Variants in NLRC5 observed in about 807,000 individuals in gnomAD.
The protein encoded by NLRC5 is protein NLRC5.
NLRC5 carries 114 observed loss-of-function variants against 206.9 expected under a neutral mutation model. The ratio of observed to expected loss-of-function variants is 0.55; its 90% CI spans 0.47 to 0.64. The LOEUF is 0.64. NLRC5 is among the 30% of genes least tolerant of loss of function. The pLI is 0.00. For missense variants in NLRC5, 2,008 were observed against 2,305.5 expected (o/e 0.87, Z 2.64); for synonymous variants, 952 against 962.8 (o/e 0.99, Z 0.21).
rs1194328601 is a variant in NLRC5, at chr16:57,081,117, G to A, written c.5341G>A (p.Gly1781Arg). The A allele has an allele frequency of 1.2e-5, 18 of 1,548,238 alleles. No individual in the cohort carries two copies. The highest frequency in any genetic ancestry group is 1.7e-4 in the Middle Eastern group (1 of 5,846). Residue 1781 changes from glycine (G) to arginine (R), a missense_variant, in exon 47 of 49, where the codon GGG becomes AGG. By Grantham distance (125) the Gly-to-Arg change is moderately radical. Transcript: ENST00000688547. ...CTGCAGGCTGTCCTGGAATCTCCTCGGGGATGAGGCAGCTGCCGAGCTGGC... is the reference window on the plus strand; with the variant it reads ...CTGCAGGCTGTCCTGGAATCTCCTCAGGGATGAGGCAGCTGCCGAGCTGGC... ...EVILLSWNLL[G>R]DEAAAELAQV...
In NLRC5 at chr16:57,046,541, C is replaced by A; in HGVS notation, c.3249-11C>A. 6.2e-7 allele frequency: 1 copy of A among 1,610,896 alleles called. No homozygotes were observed. The highest frequency in any genetic ancestry group is 8.5e-7 in the Non-Finnish European group (1 of 1,177,298). ...ATCTGAACTTTCCTTTCTAAATGAT[C>A]CCCCTCCTAGGGATATGTGGGCCAC... On this transcript the variant is annotated splice_polypyrimidine_tract_variant and intron_variant, in intron 21 of 48. Transcript: ENST00000688547.
At chr16:57,009,532 G>A (rs2059278788) in intron 1 of NLRC5, among the ~76,000 whole-genome samples, 1 of 151,984 alleles carries the variant, frequency 6.6e-6, no homozygotes, top group Admixed American at 6.6e-5. Context: ...GGTGGAGGTT[G>A]CAGTGAGCTG....
intron 3 of NLRC5, 126 bp from the exon 4 acceptor site, chr16:57,022,130 C>G (rs1271276468): frequency 3.1e-6 from 2 of 651,734 alleles, no homozygotes; most frequent in Non-Finnish European, 5.2e-6. Flanking sequence ...ACTGAGTGTT[C>G]CATTTAGTTC....
chr16:57,031,435 C>T lies in NLRC5; in HGVS notation c.2449C>T (p.Pro817Ser), dbSNP rs776677733. 1.2e-6 allele frequency: 2 copies of T among 1,613,654 alleles called. No homozygotes were observed. The highest frequency in any genetic ancestry group is 1.7e-6 in the Non-Finnish European group (2 of 1,179,904). ...EADLIFLLSP[P>S]TETTAELQRA... ...GGACCTCATCTTCCTTCTTTCCCCGCCCACAGAGACAACTGCAGAGCTACA... is the reference window on the plus strand; with the variant it reads ...GGACCTCATCTTCCTTCTTTCCCCGTCCACAGAGACAACTGCAGAGCTACA... Residue 817 changes from proline (P) to serine (S), a missense_variant, in exon 11 of 49, where the codon CCC becomes TCC. By Grantham distance (74) the Pro-to-Ser change is moderately conservative. Coordinates refer to ENST00000688547, the MANE Select transcript of NLRC5 (RefSeq NM_001384950.1).
chr16:57,053,317 T>C (rs902206273), intron 24 of NLRC5, among the ~76,000 whole-genome samples: 3 of 152,064 alleles, frequency 2.0e-5, no homozygotes, highest in Non-Finnish European at 4.4e-5. Context: ...GGGAACGGCA[T>C]GTGTGAGGCC....
chr16:57,065,829 T>C (rs1049166279), intron 33 of NLRC5, among the ~76,000 whole-genome samples: 2 of 152,222 alleles, frequency 1.3e-5, no homozygotes, highest in East Asian at 3.8e-4. Context: ...TGTAAAGATG[T>C]CTGCTGTACT....
chr16:57,069,204 G>T (rs941344935), intron 36 of NLRC5, among the ~76,000 whole-genome samples: 5 of 152,216 alleles, frequency 3.3e-5, no homozygotes. Flanking sequence ...TTTAGCAGCC[G>T]TTAATAAATC....
chr16:57,060,944 G>A (rs1052506079), intron 30 of NLRC5, among the ~76,000 whole-genome samples: 5 of 152,234 alleles, frequency 3.3e-5, no homozygotes, highest in Admixed American at 6.5e-5. Context: ...AGAGCCCCAC[G>A]GAGAATCCCA....
At chr16:56,998,029 G>T (rs1423868435) in intron 1 of NLRC5, among the ~76,000 whole-genome samples, 1 of 152,024 alleles carries the variant, frequency 6.6e-6, no homozygotes, top group Non-Finnish European at 1.5e-5. Flanking sequence ...GGGTCAGTGA[G>T]ACCCAAAACC....
intron 18 of NLRC5, 80 bp downstream of exon 18, chr16:57,041,654 A>G: frequency 8.6e-7 from 1 of 1,167,414 alleles, no homozygotes; most frequent in Non-Finnish European, 1.3e-6. Flanking sequence ...TTTGGTTTTT[A>G]AGATTTAGAT....
intron 34 of NLRC5, 69 bp downstream of exon 34, chr16:57,066,683 C>A: frequency 7.5e-7 from 1 of 1,326,602 alleles, no homozygotes; most frequent in Non-Finnish European, 1.1e-6. Flanking sequence ...TGCTTCTGAC[C>A]AATATTCACC....
intron 33 of NLRC5, 52 bp from the exon 34 acceptor site, chr16:57,066,482 G>A (rs2144794801): frequency 6.5e-7 from 1 of 1,541,680 alleles, no homozygotes; most frequent in Middle Eastern, 1.7e-4. Context: ...TGCCAGCTAG[G>A]CCCTCCGGGG....
chr16:56,995,380 G>T (rs1477965853), intron 1 of NLRC5, among the ~76,000 whole-genome samples: 2 of 152,204 alleles, frequency 1.3e-5, no homozygotes, highest in African/African-American at 4.8e-5. Flanking sequence ...CGTAAGCAAC[G>T]CCCTGGTGAA....
intron 10 of NLRC5, among the ~76,000 whole-genome samples, chr16:57,030,873 C>T (rs1225376777): frequency 6.6e-6 from 1 of 152,136 alleles, no homozygotes; most frequent in African/African-American, 2.4e-5. Flanking sequence ...CTTTGGAAGG[C>T]CAAGGCAAGA....
At chr16:57,079,317 A>G (rs42221) in intron 45 of NLRC5, 25 bp downstream of exon 45, 1,261,027 of 1,612,048 alleles carry the variant, frequency 0.78, 494,267 homozygotes, top group East Asian at 0.85. Context: ...CTGCCTGCCT[A>G]GGGGACCAGT....
At chr16:57,053,376 G>A (rs1235189952) in intron 24 of NLRC5, among the ~76,000 whole-genome samples, 2 of 152,176 alleles carry the variant, frequency 1.3e-5, no homozygotes, top group African/African-American at 4.8e-5. Context: ...GCGGAACCGA[G>A]ACAGCCAGAG....
chr16:57,035,520 A>C lies in NLRC5; in HGVS notation c.2628-580A>C, dbSNP rs73546830. ...CACACTGGCTCTCTTTCAGGTCCTC[A>C]TATGTGTTATGCCACAGGGCCTTTG... On this transcript the variant is annotated intron_variant, in intron 13 of 48. Transcript: ENST00000688547. 9.9e-5 allele frequency among the ~76,000 whole-genome samples: 15 copies of C among 152,090 alleles called. No individual in the cohort carries two copies. The South Asian group carries it at 2.7e-3, about 27-fold the overall frequency.
At chr16:57,001,206 C>G (rs1260421477) in intron 1 of NLRC5, among the ~76,000 whole-genome samples, 1 of 152,332 alleles carries the variant, frequency 6.6e-6, no homozygotes, top group Middle Eastern at 3.4e-3. Flanking sequence ...CAGGCCCTGA[C>G]CTGTCCACCT....
chr16:57,015,291 A>C lies in NLRC5; in HGVS notation c.-127-1783A>C, dbSNP rs183631470. On this transcript the variant is annotated intron_variant, in intron 1 of 48. Transcript: ENST00000688547. ...AGGGGTCCACCCTCTTGACCTAATC[A>C]CTTCGCAAAGGTCCCACTTCCAAAT... Among the ~76,000 whole-genome samples the C allele has an allele frequency of 4.2e-3, 635 of 152,252 alleles. 18 individuals carry two copies. Among genetic ancestry groups the C allele is most frequent in the Admixed American group, 0.036 (551 of 15,288 alleles).
Sources: gnomAD v4.1 joint callset for allele counts (sites outside exome capture counted in the v4.1 genomes callset) on GRCh38, gnomAD v4.1.1 for gene constraint, MANE v1.5 for transcripts, NCBI Gene and HGNC (gene_info 2026-07-23, HGNC 2026-07-21) for gene names.